The following PPP1R9A variants were observed in gnomAD, a reference collection of about 807,000 sequenced individuals.
PPP1R9A encodes protein phosphatase 1 regulatory subunit 9A.
Under a neutral mutation model 141.9 loss-of-function variants are expected in PPP1R9A, and 59 were observed. That is an observed-to-expected ratio of 0.42 (90% CI 0.34 to 0.52). The LOEUF (loss-of-function observed/expected upper bound fraction) is 0.52. PPP1R9A is among the 20% of genes least tolerant of loss of function. PPP1R9A has a pLI of 0.10. For synonymous variants in PPP1R9A, 500 were observed against 569.7 expected (o/e 0.88, Z 1.74); for missense variants, 1,444 against 1,611.9 (o/e 0.90, Z 1.78).
intron 14 of PPP1R9A, among the ~76,000 whole-genome samples, chr7:95,271,466 A>G (rs980722611): frequency 6.6e-6 from 1 of 152,200 alleles, no homozygotes; most frequent in African/African-American, 2.4e-5. Context: ...GCCTCAGAAC[A>G]TATGGTCTTG....
intron 4 of PPP1R9A, among the ~76,000 whole-genome samples, chr7:95,129,152 A>T (rs1584846926): frequency 6.6e-6 from 1 of 152,206 alleles, no homozygotes; most frequent in East Asian, 1.9e-4. Flanking sequence ...CAAAGATTAG[A>T]TGTCTGTAGG....
intron 2 of PPP1R9A, among the ~76,000 whole-genome samples, chr7:95,070,511 T>C (rs1200603913): frequency 2.6e-5 from 4 of 151,128 alleles, no homozygotes; most frequent in African/African-American, 9.7e-5. Context: ...TTGTTTGTTT[T>C]CTATTTCATA....
At chr7:95,122,597 G>A (rs1822845528) in intron 4 of PPP1R9A, among the ~76,000 whole-genome samples, 1 of 152,160 alleles carries the variant, frequency 6.6e-6, no homozygotes, top group African/African-American at 2.4e-5. Flanking sequence ...AGCCTTGTTT[G>A]TATTCATATA....
At chr7:95,148,305 C>G (rs553619584) in intron 4 of PPP1R9A, among the ~76,000 whole-genome samples, 1 of 152,082 alleles carries the variant, frequency 6.6e-6, no homozygotes, top group Non-Finnish European at 1.5e-5. Flanking sequence ...TGATAAGCCT[C>G]TAACCAGGCT....
At chr7:95,182,409 A>G (rs1226552062) in intron 5 of PPP1R9A, among the ~76,000 whole-genome samples, 2 of 152,176 alleles carry the variant, frequency 1.3e-5, no homozygotes, top group Admixed American at 1.3e-4. Context: ...ATTTGGATAT[A>G]CACCTGGATG....
chr7:95,174,042 A>T (rs1457867580), intron 5 of PPP1R9A, among the ~76,000 whole-genome samples: 1 of 152,118 alleles, frequency 6.6e-6, no homozygotes, highest in African/African-American at 2.4e-5. Flanking sequence ...AAAAACATAT[A>T]TTTATATAAA....
intron 2 of PPP1R9A, among the ~76,000 whole-genome samples, chr7:94,953,880 A>G (rs150296891): frequency 0.011 from 1,702 of 152,222 alleles, 34 homozygotes; most frequent in African/African-American, 0.039. Context: ...GGGGTTTTCT[A>G]AATATATAAT....
chr7:95,228,122 G>A (rs571333529), intron 8 of PPP1R9A, among the ~76,000 whole-genome samples: 13 of 152,200 alleles, frequency 8.5e-5, no homozygotes, highest in African/African-American at 3.1e-4. Flanking sequence ...TCTTTACAAA[G>A]TTTCATGTTA....
chr7:95,148,809 C>G (rs1828116012), intron 4 of PPP1R9A, among the ~76,000 whole-genome samples: 1 of 152,076 alleles, frequency 6.6e-6, no homozygotes, highest in Non-Finnish European at 1.5e-5. Flanking sequence ...TCTCCTATCT[C>G]TTCCAGAATA....
chr7:95,041,548 ATACTAT>A (rs1809242993), intron 2 of PPP1R9A, among the ~76,000 whole-genome samples: 1 of 152,078 alleles, frequency 6.6e-6, no homozygotes, highest in Non-Finnish European at 1.5e-5. Context: ...GCCTCCCTAA[ATACTAT>A]TTGTATTTAT....
intron 12 of PPP1R9A, among the ~76,000 whole-genome samples, chr7:95,253,370 A>G (rs1418141518): frequency 1.3e-5 from 2 of 152,188 alleles, no homozygotes; most frequent in African/African-American, 4.8e-5. Context: ...CCTATCATGA[A>G]CTTTTAGAAC....
At chr7:95,017,084 C>T (rs1805214447) in intron 2 of PPP1R9A, among the ~76,000 whole-genome samples, 2 of 152,056 alleles carry the variant, frequency 1.3e-5, no homozygotes, top group South Asian at 4.1e-4. Flanking sequence ...ACTTCTAGGA[C>T]AACCAGAAGC....
intron 8 of PPP1R9A, among the ~76,000 whole-genome samples, chr7:95,246,082 C>T (rs1401225157): frequency 6.6e-6 from 1 of 152,158 alleles, no homozygotes; most frequent in Non-Finnish European, 1.5e-5. Context: ...CTTAGGAACC[C>T]TCAGGTTCTG....
chr7:95,189,398 A>T (rs1014965480), intron 5 of PPP1R9A, among the ~76,000 whole-genome samples: 2 of 150,206 alleles, frequency 1.3e-5, no homozygotes, highest in African/African-American at 2.4e-5. Flanking sequence ...TGGCTGTTTA[A>T]CATAATCCTA....
intron 2 of PPP1R9A, among the ~76,000 whole-genome samples, chr7:95,088,047 C>T (rs1816866723): frequency 6.6e-6 from 1 of 151,818 alleles, no homozygotes; most frequent in South Asian, 2.1e-4. Flanking sequence ...TAAAATCTTG[C>T]AAGATACACT....
chr7:95,063,000 T>C (rs1314185660), intron 2 of PPP1R9A, among the ~76,000 whole-genome samples: 1 of 152,076 alleles, frequency 6.6e-6, no homozygotes, highest in Non-Finnish European at 1.5e-5. Flanking sequence ...TAGAGTGTTG[T>C]GATGAAGCAG....
At chr7:95,053,413 C>T (rs976571656) in intron 2 of PPP1R9A, among the ~76,000 whole-genome samples, 2 of 152,134 alleles carry the variant, frequency 1.3e-5, no homozygotes, top group African/African-American at 4.8e-5. Context: ...CACAATGCAA[C>T]TGGCTCTGGG....
chr7:95,092,969 A>G (rs182073303), intron 2 of PPP1R9A, among the ~76,000 whole-genome samples: 15 of 152,316 alleles, frequency 9.8e-5, no homozygotes, highest in Admixed American at 7.8e-4. Flanking sequence ...TAAGAAGCAA[A>G]TGGACATTTG....
At chr7:95,182,872 G>A (rs1423086389) in intron 5 of PPP1R9A, among the ~76,000 whole-genome samples, 1 of 152,042 alleles carries the variant, frequency 6.6e-6, no homozygotes, top group African/African-American at 2.4e-5. Context: ...GCCTTGATGA[G>A]GCATTTTCTG....
Sources: allele counts gnomAD v4.1 joint callset (sites outside exome capture counted in the v4.1 genomes callset), GRCh38; gene constraint gnomAD v4.1.1; transcripts MANE v1.5; gene names NCBI Gene and HGNC (gene_info 2026-07-23, HGNC 2026-07-21).